Variants in FGFR4 observed in about 807,000 individuals in gnomAD.
FGFR4 encodes the protein fibroblast growth factor receptor 4.
Under a neutral mutation model 89.9 loss-of-function variants are expected in FGFR4, and 63 were observed. The ratio of observed to expected loss-of-function variants is 0.70; its 90% CI spans 0.57 to 0.86. FGFR4 has a LOEUF of 0.86. Among genes scored for constraint, FGFR4 ranks in the 40% least tolerant of loss-of-function variants. The pLI is 0.00. For missense variants in FGFR4, 928 were observed against 1,106.7 expected (o/e 0.84, Z 2.29); for synonymous variants, 486 against 479.4 (o/e 1.01, Z -0.18).
At chr5:177,090,315 G>A (rs780034743) in intron 2 of FGFR4, 75 bp from the exon 3 acceptor site, 56 of 1,593,170 alleles carry the variant, frequency 3.5e-5, no homozygotes, top group Non-Finnish European at 4.3e-5. Context: ...CTGCATGTGC[G>A]GTGTGTTCTT....
chr5:177,089,551 A>G lies in FGFR4; in HGVS notation c.-52A>G. ...AGCTCTTTTCCCTCCCTATTTTAGG[A>G]AGGCAGTTGGTGGGAAGTCCAGCTT... is the stretch of plus-strand genomic sequence containing the variant. On this transcript the variant is annotated splice_region_variant and 5_prime_UTR_variant, in exon 2 of 18. Transcript: ENST00000292408. 1.3e-6 allele frequency: 2 copies of G among 1,575,326 alleles called. No homozygotes were observed.
rs543962714 is a variant in FGFR4 at position 177,097,230 on chromosome 5, G to A, written c.2154-62G>A. 58 of 1,362,250 alleles carry A rather than the reference G, an allele frequency of 4.3e-5. No homozygotes were observed. The East Asian group carries it at 4.3e-4, about 10-fold the overall frequency. The allele number at this position is 1,362,250 out of a possible 1,614,324, so 84.4% of individuals were successfully genotyped here. A position where few individuals can be genotyped will look rare whatever the true frequency, so the allele number is the denominator to read the frequency against. On this transcript the variant is annotated intron_variant, in intron 16 of 17. Transcript: ENST00000292408. ...ACTCCTCCCCACCCAGAGAACCCCC[G>A]GTCCTCCCCTTCCTCCTGAAGGCCT...
intron 11 of FGFR4, among the ~76,000 whole-genome samples, chr5:177,094,519 C>G (rs547054744): frequency 6.6e-6 from 1 of 151,940 alleles, no homozygotes; most frequent in East Asian, 1.9e-4. Flanking sequence ...CCCTCAGCCT[C>G]CCTTGGACCC....
chr5:177,096,705 A>G lies in FGFR4; in HGVS notation c.2117A>G (p.His706Arg), dbSNP rs1286055127. 3 of 1,600,284 alleles carry G rather than the reference A, an allele frequency of 1.9e-6. No homozygotes were observed. Among genetic ancestry groups the G allele is most frequent in the South Asian group, 1.1e-5 (1 of 88,276 alleles). Reference sequence around the variant, plus strand: ...CTGTTCTCGCTGCTGCGGGAGGGACATCGGATGGACCGACCCCCACACTGC... The same window carrying G: ...CTGTTCTCGCTGCTGCGGGAGGGACGTCGGATGGACCGACCCCCACACTGC... ...EELFSLLREGHRMDRPPHCPP... is the reference protein window; with the variant it reads ...EELFSLLREGRRMDRPPHCPP... Residue 706 changes from histidine (H) to arginine (R), a missense_variant, in exon 16 of 18, where the codon CAT becomes CGT. His to Arg is a conservative substitution (Grantham distance 29). Coordinates refer to ENST00000292408, the MANE Select transcript of FGFR4 (RefSeq NM_213647.3).
At position 177,090,642 on chromosome 5, in the gene FGFR4, T is replaced by C; in HGVS notation, c.344T>C (p.Leu115Ser). Residue 115 changes from leucine (L) to serine (S), a missense_variant, in exon 3 of 18, where the codon TTG becomes TCG. This residue lies in a region of FGFR4 where 741 missense variants were observed against 836.9 expected (regional missense o/e 0.89). Coordinates refer to ENST00000292408, the MANE Select transcript of FGFR4 (RefSeq NM_213647.3). ...ATGATCGTCCTGCAGAATCTCACCT[T>C]GATTACAGGTGGTAAGAGACTCTAG... ...GSMIVLQNLT[L>S]ITGDSLTSSN... 1 of 1,522,188 alleles carries C rather than the reference T, an allele frequency of 6.6e-7. No homozygotes were observed. The highest frequency in any genetic ancestry group is 8.8e-7 in the Non-Finnish European group (1 of 1,136,538). 94.3% of individuals were successfully genotyped at this position (1,522,188 alleles called of 1,614,324 possible). A position where few individuals can be genotyped will look rare whatever the true frequency, so the allele number is the denominator to read the frequency against.
Position 177,093,257 on chromosome 5 carries a change from C to A in FGFR4, c.1177C>A (p.Gln393Lys). Residue 393 changes from glutamine (Q) to lysine (K), a missense_variant, in exon 9 of 18, where the codon CAG (glutamine) becomes AAG (lysine). Physicochemically the swap from Gln to Lys is moderately conservative, Grantham distance 53. Around this residue, in one of 5 missense-constraint regions of FGFR4, gnomAD observed 741 missense variants for 836.9 expected, o/e 0.89. Transcript: ENST00000292408. This position sits in a 1 kb window ranked among gnomAD's most constrained non-coding sequence, Gnocchi z 5.8. Reference protein sequence around the residue: ...LLLLAGLYRGQALHGRHPRPP... With the variant: ...LLLLAGLYRGKALHGRHPRPP... ...GCTGCTGGCCGGGCTGTATCGAGGG[C>A]AGGCGCTCCACGGCCGGCACCCCCG... 6.2e-7 allele frequency: 1 copy of A among 1,612,918 alleles called. No individual in the cohort carries two copies. Among genetic ancestry groups the A allele is most frequent in the South Asian group, 1.1e-5 (1 of 90,994 alleles).
In FGFR4 at chr5:177,093,324, C is replaced by G. The variant is rs1784436572; in HGVS notation, c.1244C>G (p.Ala415Gly). 1 of 1,568,764 alleles carries G rather than the reference C, an allele frequency of 6.4e-7. No homozygotes were observed. The highest frequency in any genetic ancestry group is 2.4e-5 in the East Asian group (1 of 41,128). Residue 415 changes from alanine (A) to glycine (G), a missense_variant, in exon 9 of 18, where the codon GCC becomes GGC. Ala to Gly is a moderately conservative substitution (Grantham distance 60). This residue lies in a region of FGFR4 where 741 missense variants were observed against 836.9 expected (regional missense o/e 0.89). Transcript: ENST00000292408. The surrounding 1 kb of genome is among the most constrained non-coding windows in gnomAD (Gnocchi z 5.8). ...CAGAAGCTCTCCCGCTTCCCTCTGG[C>G]CCGACAGGTACTGGGCGCATCCCCC... ...TVQKLSRFPL[A>G]RQFSLESGSS...
chr5:177,096,195 C>T lies in FGFR4; in HGVS notation c.1944+16C>T, dbSNP rs779399452. The T allele has an allele frequency of 1.2e-6, 2 of 1,613,522 alleles. No individual in the cohort carries two copies. Among genetic ancestry groups the T allele is most frequent in the Admixed American group, 1.7e-5 (1 of 59,998 alleles). ...AACCAGCAACGTGAGGGAGATGGGG[C>T]AGAACTGGATGGGGGTGGAGGGGCA... On this transcript the variant is annotated intron_variant, in intron 14 of 17. Transcript: ENST00000292408.
chr5:177,090,856 G>T (rs201706535), intron 4 of FGFR4, 31 bp downstream of exon 4: 15 of 1,613,716 alleles, frequency 9.3e-6, no homozygotes, highest in Admixed American at 6.7e-5. Context: ...TTGTGTCCCC[G>T]CTGCTGCTCA....
intron 2 of FGFR4, chr5:177,090,169 G>A (rs387598): frequency 0.78 from 547,414 of 703,502 alleles, 215,179 homozygotes; most frequent in East Asian, 1. Flanking sequence ...GGCCACTGTC[G>A]TGTGCACTAA....
chr5:177,091,208 G>C, intron 5 of FGFR4, 104 bp downstream of exon 5: 2 of 1,413,492 alleles, frequency 1.4e-6, no homozygotes, highest in Non-Finnish European at 1.9e-6. Flanking sequence ...TGAGTGAAGC[G>C]ATTGCGGGGC....
intron 5 of FGFR4, 88 bp from the exon 6 acceptor site, chr5:177,091,597 G>T (rs961386337): frequency 1.2e-5 from 18 of 1,551,564 alleles, no homozygotes; most frequent in Non-Finnish European, 1.5e-5. Flanking sequence ...CAAGAGCCCT[G>T]TGGGCAGGAT....
intron 15 of FGFR4, 22 bp downstream of exon 15, chr5:177,096,379 T>C (rs1466542312): frequency 3.7e-6 from 6 of 1,613,142 alleles, no homozygotes; most frequent in Non-Finnish European, 4.2e-6. Flanking sequence ...CGGCGGTCAC[T>C]GTCCTACCCC....
In FGFR4 at chr5:177,093,341, G is replaced by A. The variant is rs760733935; in HGVS notation, c.1251+10G>A. ...CCCTCTGGCCCGACAGGTACTGGGC[G>A]CATCCCCCACCTCACATGTGACAGC... On this transcript the variant is annotated intron_variant, in intron 9 of 17. Coordinates refer to ENST00000292408, the MANE Select transcript of FGFR4 (RefSeq NM_213647.3). The surrounding 1 kb of genome is among the most constrained non-coding windows in gnomAD (Gnocchi z 5.8). The A allele has an allele frequency of 3.7e-6, 6 of 1,613,806 alleles. No individual in the cohort carries two copies. Among genetic ancestry groups the A allele is most frequent in the Admixed American group, 3.3e-5 (2 of 60,000 alleles).
In FGFR4 at chr5:177,097,854, A is replaced by G. The variant is rs916164254; in HGVS notation, c.*178A>G. On this transcript the variant is annotated 3_prime_UTR_variant, in exon 18 of 18. Coordinates refer to ENST00000292408, the MANE Select transcript of FGFR4 (RefSeq NM_213647.3). ...TGCCGTGCCTGTGTCCTGATGGCCC[A>G]AATGTCAGGGTTCTGCTCGGCTTCT... is the stretch of plus-strand genomic sequence containing the variant. 21 of 684,726 alleles carry G rather than the reference A, an allele frequency of 3.1e-5. No homozygotes were observed. Among genetic ancestry groups the G allele is most frequent in the Middle Eastern group, 4.1e-4 (1 of 2,420 alleles). The allele number at this position is 684,726 out of a possible 1,614,324, so 42.4% of individuals were successfully genotyped here.
At position 177,097,781 on chromosome 5, in the gene FGFR4, C is replaced by T; in HGVS notation, c.*105C>T. ...ACCTTGATAGCATGGGGCCCCTGGC[C>T]CAGAGTTGCTGTGCCGTGTCCAAGG... On this transcript the variant is annotated 3_prime_UTR_variant, in exon 18 of 18. Coordinates refer to ENST00000292408, the MANE Select transcript of FGFR4 (RefSeq NM_213647.3). The T allele has an allele frequency of 1.4e-6, 2 of 1,424,832 alleles. No individual in the cohort carries two copies. Among genetic ancestry groups the T allele is most frequent in the East Asian group, 2.4e-5 (1 of 42,278 alleles). 88.3% of individuals were successfully genotyped at this position (1,424,832 alleles called of 1,614,324 possible).
intron 14 of FGFR4, 49 bp downstream of exon 14, chr5:177,096,228 C>T (rs747444706): frequency 1.5e-5 from 24 of 1,612,912 alleles, no homozygotes; most frequent in Middle Eastern, 1.7e-4. Context: ...GCACTGGGCC[C>T]GGGGTGGCAG....
rs983083191 is a variant in FGFR4, at chr5:177,096,741, T to C, written c.2153T>C (p.Leu718Pro). ...MDRPPHCPPE[L>P]YGLMRECWHA... ...CGACCCCCACACTGCCCCCCAGAGC[T>C]GTGAGGCCTCACCCTGCCCTCGACC... Residue 718 changes from leucine to proline, a missense_variant and splice_region_variant, in exon 16 of 18, where the codon CTG becomes CCG. Physicochemically the swap from Leu to Pro is moderately conservative, Grantham distance 98. Coordinates refer to ENST00000292408, the MANE Select transcript of FGFR4 (RefSeq NM_213647.3). 4.4e-6 allele frequency: 7 copies of C among 1,573,128 alleles called. No individual in the cohort carries two copies. The highest frequency in any genetic ancestry group is 5.2e-6 in the Non-Finnish European group (6 of 1,159,240).
At position 177,090,413 on chromosome 5, in the gene FGFR4, G is replaced by C. The variant is rs1217937501; in HGVS notation, c.115G>C (p.Glu39Gln). ...ELEPCLAPSLEQQEQELTVAL... is the reference protein window; with the variant it reads ...ELEPCLAPSLQQQEQELTVAL... ...AGAGCCCTGCCTGGCTCCCAGCCTG[G>C]AGCAGCAAGAGCAGGAGCTGACAGT... The change falls in exon 3 of 18, where the codon GAG becomes CAG. Residue 39 changes from glutamate (E) to glutamine (Q), a missense_variant. By Grantham distance (29) the Glu-to-Gln change is conservative. This residue lies in a region of FGFR4 where 741 missense variants were observed against 836.9 expected (regional missense o/e 0.89). Coordinates refer to ENST00000292408, the MANE Select transcript of FGFR4 (RefSeq NM_213647.3). 6 of 1,603,550 alleles carry C rather than the reference G, an allele frequency of 3.7e-6. No individual in the cohort carries two copies. The South Asian group carries it at 5.5e-5, about 15-fold the overall frequency.
Sources: allele counts gnomAD v4.1 joint callset (sites outside exome capture counted in the v4.1 genomes callset), GRCh38; gene constraint gnomAD v4.1.1; regional missense constraint gnomAD v4.1.1; non-coding constraint Gnocchi (gnomAD v3.1); transcripts MANE v1.5; gene names NCBI Gene and HGNC (gene_info 2026-07-23, HGNC 2026-07-21).